TBC1D14: variants seen among roughly 807,000 people sequenced by gnomAD.
The protein encoded by TBC1D14 is TBC1 domain family member 14.
A neutral mutation model predicts 79.0 loss-of-function variants in TBC1D14; 26 were observed. The ratio of observed to expected loss-of-function variants is 0.33; its 90% CI spans 0.24 to 0.46. The LOEUF (loss-of-function observed/expected upper bound fraction) is 0.46. TBC1D14 is among the 20% of genes least tolerant of loss of function. TBC1D14 has a pLI of 1.00. For missense variants in TBC1D14, 769 were observed against 887.6 expected (o/e 0.87, Z 1.70); for synonymous variants, 394 against 349.9 (o/e 1.13, Z -1.40).
chr4:7,027,511 ACC>A (rs1722523265), intron 13 of TBC1D14, among the ~76,000 whole-genome samples: 1 of 140,824 alleles, frequency 7.1e-6, no homozygotes, highest in Non-Finnish European at 1.5e-5. Context: ...TACACCTCAC[ACC>A]CAGTCACCCC....
At chr4:7,007,704 C>A in intron 9 of TBC1D14, 1 of 910,608 alleles carries the variant, frequency 1.1e-6, no homozygotes, top group Non-Finnish European at 1.5e-6. Context: ...TGGAACCCTG[C>A]TTCTCCCACA....
intron 3 of TBC1D14, among the ~76,000 whole-genome samples, chr4:6,991,504 G>A (rs1031500457): frequency 3.6e-4 from 55 of 152,180 alleles, no homozygotes; most frequent in Non-Finnish European, 2.5e-4. Context: ...CTCCCCCTCA[G>A]ACCTGAAACC....
At chr4:6,934,119 G>T (rs10937769) in intron 2 of TBC1D14, among the ~76,000 whole-genome samples, 85,265 of 151,474 alleles carry the variant, frequency 0.56, 24,134 homozygotes, top group East Asian at 0.67. Context: ...GGGCTGGATG[G>T]GAGGTATACA....
intron 2 of TBC1D14, among the ~76,000 whole-genome samples, chr4:6,962,646 A>G (rs542305556): frequency 6.6e-6 from 1 of 151,890 alleles, no homozygotes; most frequent in African/African-American, 2.4e-5. Flanking sequence ...CTCACCCCCT[A>G]CTGGCCACCC....
intron 3 of TBC1D14, among the ~76,000 whole-genome samples, chr4:6,985,479 C>T (rs1577122695): frequency 3.3e-5 from 5 of 152,254 alleles, no homozygotes; most frequent in South Asian, 4.1e-4. Flanking sequence ...ATGCCAAGAG[C>T]ATTTGAGGAA....
intron 2 of TBC1D14, chr4:6,954,354 C>T (rs1447716937): frequency 4.2e-6 from 3 of 715,074 alleles, no homozygotes; most frequent in Admixed American, 4.0e-5. Flanking sequence ...TGGCTGCTTT[C>T]TTGCCTTTCT....
intron 3 of TBC1D14, chr4:6,987,188 CG>C: frequency 8.2e-7 from 1 of 1,222,898 alleles, no homozygotes; most frequent in Non-Finnish European, 1.0e-6. Context: ...GCTGTGTCTG[CG>C]CGCGATTGAG....
intron 2 of TBC1D14, among the ~76,000 whole-genome samples, chr4:6,939,022 G>A (rs571409243): frequency 6.6e-6 from 1 of 152,268 alleles, no homozygotes; most frequent in African/African-American, 2.4e-5. Context: ...GGACACCATG[G>A]GGAAGAGATG....
chr4:6,923,837 C>G lies in TBC1D14; in HGVS notation c.448C>G (p.Arg150Gly), dbSNP rs200567309. ...TAGCCCGACCTCCAAAGCCCTGACC[C>G]GCAGCGATGATGTCTCCGTCTGCAG... is the stretch of plus-strand genomic sequence containing the variant. ...LYSPTSKALTRSDDVSVCSVS... is the reference protein window; with the variant it reads ...LYSPTSKALTGSDDVSVCSVS... The change falls in exon 2 of 14, where the codon CGC becomes GGC. Residue 150 changes from arginine to glycine, a missense_variant. By Grantham distance (125) the Arg-to-Gly change is moderately radical. Coordinates refer to ENST00000409757, the MANE Select transcript of TBC1D14 (RefSeq NM_020773.3). The G allele has an allele frequency of 1.5e-5, 25 of 1,614,204 alleles. No homozygotes were observed. The highest frequency in any genetic ancestry group is 3.3e-4 in the Middle Eastern group (2 of 6,062).
Position 7,007,613 on chromosome 4 carries a change from G to A in TBC1D14, c.1446+887G>A, listed in dbSNP as rs917883886. On this transcript the variant is annotated intron_variant, in intron 9 of 13. Transcript: ENST00000409757. ...AATCTACAAAGCTCCAGCAGCTTTGGTCCTGGTGTCTGGTGCGTGAGCCCA... is the reference window on the plus strand; with the variant it reads ...AATCTACAAAGCTCCAGCAGCTTTGATCCTGGTGTCTGGTGCGTGAGCCCA... The A allele has an allele frequency of 2.3e-6, 3 of 1,288,792 alleles. No individual in the cohort carries two copies. In the African/African-American group the frequency reaches 4.6e-5, roughly 20 times the overall value. The allele number at this position is 1,288,792 out of a possible 1,614,324, so 79.8% of individuals were successfully genotyped here.
intron 2 of TBC1D14, among the ~76,000 whole-genome samples, chr4:6,929,245 C>T (rs1023431301): frequency 6.6e-6 from 1 of 152,052 alleles, no homozygotes; most frequent in Non-Finnish European, 1.5e-5. Context: ...GCAGAATGAG[C>T]TGAGGGGTAC....
chr4:6,979,765 A>G (rs1227431768), intron 3 of TBC1D14, among the ~76,000 whole-genome samples: 1 of 152,228 alleles, frequency 6.6e-6, no homozygotes, highest in Admixed American at 6.5e-5. Flanking sequence ...GTCTATTAAT[A>G]TAATAAAAAT....
chr4:6,997,668 A>T (rs1577144163), intron 5 of TBC1D14, among the ~76,000 whole-genome samples: 1 of 152,348 alleles, frequency 6.6e-6, no homozygotes, highest in Non-Finnish European at 1.5e-5. Flanking sequence ...GTGTATATGT[A>T]CAGTGGAATA....
At chr4:6,941,431 C>T (rs148351455) in intron 2 of TBC1D14, among the ~76,000 whole-genome samples, 149 of 152,238 alleles carry the variant, frequency 9.8e-4, no homozygotes, top group Non-Finnish European at 1.5e-3. Context: ...GGTGATTTGC[C>T]GTCTTGGCCA....
intron 4 of TBC1D14, chr4:6,995,281 C>A (rs1426236062): frequency 6.6e-6 from 1 of 152,190 alleles, no homozygotes; most frequent in Non-Finnish European, 1.5e-5. Context: ...AGTATGAAAT[C>A]TGTTCACTTT....
intron 3 of TBC1D14, among the ~76,000 whole-genome samples, chr4:6,973,831 T>C (rs541260355): frequency 4.9e-4 from 74 of 152,102 alleles, no homozygotes; most frequent in Non-Finnish European, 8.4e-4. Context: ...TTTATATTTA[T>C]ATTTTATTTT....
At chr4:6,911,147 G>C (rs1275083616) in intron 1 of TBC1D14, among the ~76,000 whole-genome samples, 1 of 152,114 alleles carries the variant, frequency 6.6e-6, no homozygotes, top group East Asian at 1.9e-4. Flanking sequence ...ATCTCAGTTT[G>C]GGTATGGCTT....
intron 2 of TBC1D14, chr4:6,954,457 G>A: frequency 1.4e-6 from 1 of 706,812 alleles, no homozygotes; most frequent in East Asian, 2.7e-5. Context: ...GGGCTGAGGT[G>A]TTTCTGTGGG....
rs979894884 is a variant in TBC1D14, at chr4:7,031,429, C to T, written c.*1037C>T. The T allele has an allele frequency of 2.0e-5, 3 of 152,224 alleles. No homozygotes were observed. Among genetic ancestry groups the T allele is most frequent in the African/African-American group, 4.8e-5 (2 of 41,436 alleles). 9.4% of individuals were successfully genotyped at this position (152,224 alleles called of 1,614,324 possible). ...ATGACCCGTTGTACAGACGGAGGAG[C>T]GAGCAACACACGTCTAACAGCCTAG... is the stretch of plus-strand genomic sequence containing the variant. On this transcript the variant is annotated 3_prime_UTR_variant, in exon 14 of 14. Coordinates refer to ENST00000409757, the MANE Select transcript of TBC1D14 (RefSeq NM_020773.3).
Sources: gnomAD v4.1 joint callset for allele counts (sites outside exome capture counted in the v4.1 genomes callset) on GRCh38, gnomAD v4.1.1 for gene constraint, MANE v1.5 for transcripts, NCBI Gene and HGNC (gene_info 2026-07-23, HGNC 2026-07-21) for gene names.